Variants in ITPR1 observed in about 807,000 individuals in gnomAD.
The protein encoded by ITPR1 is inositol 1,4,5-trisphosphate receptor type 1, also known as inositol 1,4,5-trisphosphate-gated calcium channel ITPR1.
A neutral mutation model predicts 318.4 loss-of-function variants in ITPR1; 96 were observed. That is an observed-to-expected ratio of 0.30 (90% confidence interval 0.26 to 0.36). The LOEUF (loss-of-function observed/expected upper bound fraction) is 0.36. ITPR1 is among the 10% of genes least tolerant of loss of function. The pLI is 1.00. For synonymous variants in ITPR1, 1,312 were observed against 1,289.9 expected, an observed-to-expected ratio of 1.02 and a Z score of -0.37; for missense variants, 2,440 against 3,460.2, an observed-to-expected ratio of 0.71 and a Z score of 7.40.
intron 4 of ITPR1, among the ~76,000 whole-genome samples, chr3:4,572,782 A>G (rs1326561534): frequency 6.6e-6 from 1 of 152,160 alleles, no homozygotes; most frequent in Non-Finnish European, 1.5e-5. Context: ...ACCATTCTAC[A>G]TTCTGGTGTC....
At chr3:4,494,581 C>T (rs2080403097) in intron 2 of ITPR1, 75 bp downstream of exon 2, 1 of 152,154 alleles carries the variant, frequency 6.6e-6, no homozygotes, top group African/African-American at 2.4e-5. Context: ...CTATCTAAAC[C>T]GCCAAGGAGG....
chr3:4,695,421 G>A (rs1475868603), intron 33 of ITPR1, among the ~76,000 whole-genome samples: 1 of 151,706 alleles, frequency 6.6e-6, no homozygotes, highest in African/African-American at 2.4e-5. Context: ...TACAACGGAA[G>A]TGCAAAAAAG....
At chr3:4,829,071 C>A (rs1302040150) in intron 60 of ITPR1, among the ~76,000 whole-genome samples, 2 of 152,192 alleles carry the variant, frequency 1.3e-5, no homozygotes, top group African/African-American at 4.8e-5. Context: ...AATACTTTTG[C>A]ATAATGCTTT....
chr3:4,769,855 G>A (rs2046072943), intron 46 of ITPR1, among the ~76,000 whole-genome samples: 2 of 152,236 alleles, frequency 1.3e-5, no homozygotes, highest in Admixed American at 6.5e-5. Context: ...ATGGATCGTA[G>A]AGATCCGCTT....
intron 3 of ITPR1, among the ~76,000 whole-genome samples, chr3:4,517,122 C>CT (rs985954397): frequency 6.6e-6 from 1 of 152,044 alleles, no homozygotes; most frequent in South Asian, 2.1e-4. Flanking sequence ...CTCTTTTGTG[C>CT]TTTTTTCCCA....
intron 4 of ITPR1, among the ~76,000 whole-genome samples, chr3:4,618,927 A>C (rs1285819907): frequency 6.6e-6 from 1 of 152,226 alleles, no homozygotes; most frequent in Non-Finnish European, 1.5e-5. Flanking sequence ...CCACACAACT[A>C]TTTAAAAACT....
In ITPR1 at chr3:4,806,217, G is replaced by C. The variant is rs1241213674; in HGVS notation, c.7222G>C (p.Val2408Leu). ...VEFLYHLLYL[V>L]ICAMGLFVHE... Reference sequence around the variant, plus strand: ...GTTCCTCTATCATTTGTTGTATCTGGTGATCTGTGCCATGGGGCTCTTTGT... The same window carrying C: ...GTTCCTCTATCATTTGTTGTATCTGCTGATCTGTGCCATGGGGCTCTTTGT... Residue 2408 changes from valine (V) to leucine (L), a missense_variant, in exon 55 of 62, where the codon GTG becomes CTG. This residue lies in a region of ITPR1 where 126 missense variants were observed against 150.8 expected (regional missense o/e 0.84). Coordinates refer to ENST00000649015, the MANE Select transcript of ITPR1 (RefSeq NM_001378452.1). The C allele has an allele frequency of 1.2e-6, 2 of 1,613,888 alleles. No homozygotes were observed. Among genetic ancestry groups the C allele is most frequent in the African/African-American group, 2.7e-5 (2 of 74,920 alleles).
At chr3:4,767,089 A>C (rs1429864121) in intron 45 of ITPR1, among the ~76,000 whole-genome samples, 1 of 152,264 alleles carries the variant, frequency 6.6e-6, no homozygotes, top group African/African-American at 2.4e-5. Context: ...TGGAAAGCTT[A>C]TAAAGCTTTT....
Position 4,579,627 on chromosome 3 carries a change from G to A in ITPR1, c.164-48136G>A, listed in dbSNP as rs995623899. Among the ~76,000 whole-genome samples the A allele has an allele frequency of 7.2e-5, 11 of 152,164 alleles. No homozygotes were observed. In the East Asian group the frequency reaches 9.6e-4, roughly 13 times the overall value. ...TTGGTGGTTTCCCTTTAAACAAAAA[G>A]CCTGTTACGGATCTTGCTTCCTTTC... On this transcript the variant is annotated intron_variant, in intron 4 of 61. Transcript: ENST00000649015.
chr3:4,658,371 C>G lies in ITPR1; in HGVS notation c.1151+93C>G, dbSNP rs188190594. On this transcript the variant is annotated intron_variant, in intron 13 of 61. Transcript: ENST00000649015. ...GGAATCCAAATCGTTACTGCCTTTT[C>G]TTTTAGATTTTTATAAAGGATTTGG... 2.8e-4 allele frequency: 305 copies of G among 1,090,118 alleles called. No homozygotes were observed. The African/African-American group carries it at 4.2e-3, about 15-fold the overall frequency. The allele number at this position is 1,090,118 out of a possible 1,614,324, so 67.5% of individuals were successfully genotyped here. A position where few individuals can be genotyped will look rare whatever the true frequency, so the allele number is the denominator to read the frequency against.
chr3:4,634,705 C>T (rs2093125743), intron 5 of ITPR1, among the ~76,000 whole-genome samples: 1 of 152,092 alleles, frequency 6.6e-6, no homozygotes, highest in South Asian at 2.1e-4. Context: ...ACTCTCCTAC[C>T]CCCTATTCTG....
chr3:4,531,437 C>G (rs1304251987), intron 4 of ITPR1, among the ~76,000 whole-genome samples: 1 of 152,160 alleles, frequency 6.6e-6, no homozygotes, highest in Non-Finnish European at 1.5e-5. Flanking sequence ...GTGGACACCT[C>G]CTCCAATCCA....
At chr3:4,545,796 C>T (rs918572564) in intron 4 of ITPR1, among the ~76,000 whole-genome samples, 2 of 150,034 alleles carry the variant, frequency 1.3e-5, no homozygotes, top group Non-Finnish European at 3.0e-5. Flanking sequence ...CTCCTGGGCT[C>T]AAGTGATTCT....
chr3:4,822,352 C>T (rs1446883056), intron 60 of ITPR1, among the ~76,000 whole-genome samples: 1 of 152,172 alleles, frequency 6.6e-6, no homozygotes, highest in Non-Finnish European at 1.5e-5. Flanking sequence ...GCTGTGGGCA[C>T]GTTGTCACTA....
intron 4 of ITPR1, among the ~76,000 whole-genome samples, chr3:4,622,825 AGCACATT>A (rs2092692453): frequency 1.3e-5 from 2 of 152,262 alleles, no homozygotes; most frequent in Non-Finnish European, 2.9e-5. Context: ...TGGGGATTGT[AGCACATT>A]TAAATCATTA....
intron 24 of ITPR1, 61 bp from the exon 25 acceptor site, chr3:4,680,492 G>T (rs2094276593): frequency 2.7e-5 from 41 of 1,508,690 alleles, no homozygotes; most frequent in Non-Finnish European, 3.7e-5. Context: ...TGGTGGCTTG[G>T]CAGAGTCAAG....
rs552399760 is a variant in ITPR1, at chr3:4,706,297, G to A, written c.4788G>A (p.Arg1596=). Residue 1596 remains arginine, a synonymous_variant, in exon 37 of 62, where the codon AGG becomes AGA. Transcript: ENST00000649015. The stretch of plus-strand genomic sequence containing the variant: ...TCTCAGCCCGCAATGCCGCACGCAG[G>A]GACTCTGTTCTGGCAGCTTCCAGAG... ...WRLSARNAAR[R]DSVLAASRDY... 7.4e-5 allele frequency: 120 copies of A among 1,613,934 alleles called. 4 individuals carry two copies. The South Asian group carries it at 8.3e-4, about 11-fold the overall frequency.
chr3:4,813,504 C>T (rs1227051953), intron 57 of ITPR1, among the ~76,000 whole-genome samples: 1 of 152,074 alleles, frequency 6.6e-6, no homozygotes, highest in Admixed American at 6.5e-5. Flanking sequence ...GTGGAGGGTG[C>T]GGGCAGGCCA....
In ITPR1 at chr3:4,818,097, A is replaced by G. The variant is rs1284302159; in HGVS notation, c.7883A>G (p.Lys2628Arg). The G allele has an allele frequency of 6.2e-7, 1 of 1,601,136 alleles. No individual in the cohort carries two copies. The highest frequency in any genetic ancestry group is 1.1e-5 in the South Asian group (1 of 89,550). ...TCFICGLERD[K>R]FDNKTVTFEE... ...TCATTTTTAGGCTTGGAAAGAGACA[A>G]GTTTGACAACAAGACTGTCACCTTT... Residue 2628 changes from lysine to arginine, a missense_variant, in exon 60 of 62, where the codon AAG becomes AGG. By Grantham distance (26) the Lys-to-Arg change is conservative. Around this residue, in one of 23 missense-constraint regions of ITPR1, gnomAD observed 72 missense variants for 197.7 expected, o/e 0.36. Transcript: ENST00000649015.
Sources: gnomAD v4.1 joint callset for allele counts (sites outside exome capture counted in the v4.1 genomes callset) on GRCh38, gnomAD v4.1.1 for gene constraint, gnomAD v4.1.1 regional missense constraint, MANE v1.5 for transcripts, NCBI Gene and HGNC (gene_info 2026-07-23, HGNC 2026-07-21) for gene names.